The following RBBP8 variants were observed in gnomAD, a reference collection of about 807,000 sequenced individuals.
RBBP8 encodes the protein RB binding protein 8, endonuclease, also known as DNA endonuclease RBBP8.
RBBP8 carries 88 observed loss-of-function variants against 108.3 expected under a neutral mutation model. The ratio of observed to expected loss-of-function variants is 0.81; its 90% CI spans 0.68 to 0.97. The LOEUF is 0.97. Among genes scored for constraint, RBBP8 ranks in the 50% least tolerant of loss-of-function variants. RBBP8 has a pLI of 0.00. For missense variants in RBBP8, 1,023 were observed against 1,049.0 expected, an observed-to-expected ratio of 0.98 and a Z score of 0.34; for synonymous variants, 332 against 348.2, an observed-to-expected ratio of 0.95 and a Z score of 0.52.
upstream of RBBP8, among the ~76,000 whole-genome samples, chr18:22,932,416 G>C (rs1598626884): frequency 6.6e-6 from 1 of 152,174 alleles, no homozygotes; most frequent in African/African-American, 2.4e-5. Context: ...GATAGTTGCT[G>C]TAACAGGCTA....
chr18:22,986,781 A>G (rs1041136415), intron 8 of RBBP8, among the ~76,000 whole-genome samples: 13 of 152,002 alleles, frequency 8.6e-5, no homozygotes, highest in African/African-American at 3.2e-4. Context: ...TGAAAGCTAC[A>G]AATCATTTTA....
chr18:23,009,542 A>T (rs949012292), intron 16 of RBBP8, among the ~76,000 whole-genome samples: 183 of 144,608 alleles, frequency 1.3e-3, no homozygotes, highest in African/African-American at 4.5e-3. Context: ...TATATATATA[A>T]AATGTATATA....
chr18:23,002,620 ATTGTAATT>A (rs1434073354), intron 15 of RBBP8, among the ~76,000 whole-genome samples: 1 of 148,560 alleles, frequency 6.7e-6, no homozygotes, highest in Non-Finnish European at 1.5e-5. Flanking sequence ...TGGATTGAAA[ATTGTAATT>A]TTTGTTAAAT....
intron 3 of RBBP8, chr18:22,920,810 G>A (rs375887626): frequency 5.9e-5 from 9 of 152,212 alleles, no homozygotes; most frequent in Middle Eastern, 6.8e-3. Context: ...CATTCCAAAC[G>A]TATCACATTA....
chr18:22,991,127 A>T, intron 10 of RBBP8, 78 bp downstream of exon 10: 1 of 995,504 alleles, frequency 1.0e-6, no homozygotes, highest in Non-Finnish European at 1.6e-6. Flanking sequence ...TAATTAAGCC[A>T]TTTCTCTCCT....
chr18:22,965,116 C>T (rs965579), intron 4 of RBBP8, among the ~76,000 whole-genome samples: 150,414 of 152,270 alleles, frequency 0.99, 74,319 homozygotes, highest in East Asian at 1. Flanking sequence ...CTGTATTCTT[C>T]ATAATTTGAT....
intron 9 of RBBP8, among the ~76,000 whole-genome samples, chr18:22,990,454 C>T (rs1440022412): frequency 6.6e-6 from 1 of 152,142 alleles, no homozygotes; most frequent in Non-Finnish European, 1.5e-5. Flanking sequence ...GTTTTATATA[C>T]AAGGAGTAGA....
At chr18:22,987,216 A>C (rs1406379323) in intron 8 of RBBP8, among the ~76,000 whole-genome samples, 2 of 152,066 alleles carry the variant, frequency 1.3e-5, no homozygotes, top group Non-Finnish European at 2.9e-5. Flanking sequence ...AGAGAGGAGG[A>C]GAGAGCAAGA....
intron 2 of RBBP8, among the ~76,000 whole-genome samples, chr18:22,937,635 T>C (rs1910693681): frequency 6.6e-6 from 1 of 151,446 alleles, no homozygotes; most frequent in Non-Finnish European, 1.5e-5. Context: ...CACGCTGCCA[T>C]GCCTGGCTAA....
chr18:23,005,514 G>C (rs997182139), intron 15 of RBBP8, among the ~76,000 whole-genome samples: 3 of 152,128 alleles, frequency 2.0e-5, no homozygotes, highest in African/African-American at 7.2e-5. Flanking sequence ...CCTGGTTCAA[G>C]AGATTCTCCT....
At position 22,993,539 on chromosome 18, in the gene RBBP8, A is replaced by G. The variant is rs1915854426; in HGVS notation, c.1712A>G (p.Asn571Ser). Residue 571 changes from asparagine (N) to serine (S), a missense_variant, in exon 11 of 19, where the codon AAT (asparagine) becomes AGT (serine). Physicochemically the swap from Asn to Ser is conservative, Grantham distance 46. Coordinates refer to ENST00000327155, the MANE Select transcript of RBBP8 (RefSeq NM_002894.3). ...CCCTTGAATAAATGCTCTCCAGACA[A>G]TAAACCATCATTACAAATAAAAGAA... ...LQPLNKCSPD[N>S]KPSLQIKEEN... is the part of the protein sequence containing the mutation. 1 of 1,613,512 alleles carries G rather than the reference A, an allele frequency of 6.2e-7. No individual in the cohort carries two copies. Among genetic ancestry groups the G allele is most frequent in the Non-Finnish European group, 8.5e-7 (1 of 1,179,886 alleles).
chr18:22,982,121 G>A, intron 6 of RBBP8, 97 bp from the exon 7 acceptor site: 1 of 1,365,052 alleles, frequency 7.3e-7, no homozygotes, highest in South Asian at 1.2e-5. Context: ...ACATCCCTTA[G>A]AGCTTCATGT....
At chr18:22,919,452 G>A (rs745564521) in intron 3 of RBBP8, among the ~76,000 whole-genome samples, 1 of 152,188 alleles carries the variant, frequency 6.6e-6, no homozygotes, top group Non-Finnish European at 1.5e-5. Flanking sequence ...TTAAGTCCAC[G>A]ATAAAAGAAT....
chr18:22,918,211 G>C (rs1909442090), intron 3 of RBBP8, among the ~76,000 whole-genome samples: 1 of 152,142 alleles, frequency 6.6e-6, no homozygotes. Context: ...AAGAAAGCGT[G>C]ACATGGATAA....
intron 16 of RBBP8, among the ~76,000 whole-genome samples, chr18:23,012,958 A>G (rs2046194048): frequency 6.6e-6 from 1 of 152,190 alleles, no homozygotes; most frequent in Admixed American, 6.6e-5. Context: ...AGGACCCTGA[A>G]GAATTATGCT....
At chr18:22,936,510 C>T (rs1041835884) in intron 1 of RBBP8, among the ~76,000 whole-genome samples, 2 of 152,146 alleles carry the variant, frequency 1.3e-5, no homozygotes, top group African/African-American at 4.8e-5. Context: ...ATTTCTTCCT[C>T]TAAGAGAAAT....
At chr18:22,973,600 T>C (rs766776202) in intron 5 of RBBP8, among the ~76,000 whole-genome samples, 1 of 152,252 alleles carries the variant, frequency 6.6e-6, no homozygotes, top group Non-Finnish European at 1.5e-5. Context: ...CACATTGGTA[T>C]ATGCTATATG....
At position 23,016,942 on chromosome 18, in the gene RBBP8, T is replaced by C. The variant is rs768679377; in HGVS notation, c.2454+18T>C. The stretch of plus-strand genomic sequence containing the variant: ...GTGAAATTGTAAGTACTAATGTAGA[T>C]ACTAATTTTTTTTTAAGTACGGCTT... On this transcript the variant is annotated intron_variant, in intron 17 of 18. Coordinates refer to ENST00000327155, the MANE Select transcript of RBBP8 (RefSeq NM_002894.3). 36 of 1,567,518 alleles carry C rather than the reference T, an allele frequency of 2.3e-5. No homozygotes were observed. The Admixed American group carries it at 2.5e-4, about 11-fold the overall frequency.
intron 6 of RBBP8, among the ~76,000 whole-genome samples, chr18:22,981,114 G>T (rs1386953200): frequency 1.3e-5 from 2 of 151,660 alleles, no homozygotes; most frequent in African/African-American, 2.4e-5. Context: ...GGGACTACAG[G>T]CACCTGCCAC....
Sources: gnomAD v4.1 joint callset for allele counts (sites outside exome capture counted in the v4.1 genomes callset) on GRCh38, gnomAD v4.1.1 for gene constraint, MANE v1.5 for transcripts, NCBI Gene and HGNC (gene_info 2026-07-23, HGNC 2026-07-21) for gene names.